Variants in KIRREL1 observed in about 807,000 individuals in gnomAD.
KIRREL1 encodes kin of IRRE-like protein 1.
In KIRREL1, 25 loss-of-function variants were observed where a neutral mutation model predicts 83.3. That is an observed-to-expected ratio of 0.30 (90% CI 0.22 to 0.42). The LOEUF (loss-of-function observed/expected upper bound fraction) is 0.42, where lower values mean the gene tolerates loss of function less well. Ranked by LOEUF, KIRREL1 falls within the 10% of genes least tolerant of loss-of-function variation. The probability of loss-of-function intolerance (pLI) is 1.00; values close to 1 mark genes in which losing one functional copy is unlikely to be tolerated. For synonymous variants in KIRREL1, 388 were observed against 410.4 expected (o/e 0.95, Z 0.66); for missense variants, 812 against 1,032.3 (o/e 0.79, Z 2.92).
chr1:157,996,292 G>T (rs898589038), intron 1 of KIRREL1, among the ~76,000 whole-genome samples: 9 of 151,872 alleles, frequency 5.9e-5, no homozygotes, highest in African/African-American at 2.2e-4. Flanking sequence ...TCCATCATGC[G>T]CCGGCTCCAC....
At chr1:158,005,836 C>T (rs941175632) in intron 1 of KIRREL1, among the ~76,000 whole-genome samples, 1 of 152,122 alleles carries the variant, frequency 6.6e-6, no homozygotes, top group Admixed American at 6.5e-5. Flanking sequence ...TCTCTCCCTC[C>T]CTTCTCTGCG....
chr1:158,054,332 T>C (rs1660992013), intron 1 of KIRREL1, among the ~76,000 whole-genome samples: 1 of 151,922 alleles, frequency 6.6e-6, no homozygotes, highest in Non-Finnish European at 1.5e-5. Context: ...GGGATCTCTT[T>C]CATAGAAGTT....
Position 158,091,354 on chromosome 1 carries a change from A to C in KIRREL1, c.1273-4A>C. On this transcript the variant is annotated splice_region_variant and splice_polypyrimidine_tract_variant and intron_variant, in intron 10 of 14. Transcript: ENST00000359209. ...TTACCTTCTTCCTTCCCTCTCCACC[A>C]CAGGCATGGGCCTGGAAGGAGAACT... is the stretch of plus-strand genomic sequence containing the variant. The C allele has an allele frequency of 6.2e-7, 1 of 1,612,616 alleles. No individual in the cohort carries two copies. The highest frequency in any genetic ancestry group is 8.5e-7 in the Non-Finnish European group (1 of 1,179,120).
intron 1 of KIRREL1, among the ~76,000 whole-genome samples, chr1:158,014,884 G>A (rs114292323): frequency 1.1e-3 from 164 of 152,156 alleles, no homozygotes; most frequent in African/African-American, 3.4e-3. Context: ...AAGGGGAGGT[G>A]CGTTCTCCTC....
At chr1:158,066,253 T>A (rs571956080) in intron 1 of KIRREL1, among the ~76,000 whole-genome samples, 5 of 145,694 alleles carry the variant, frequency 3.4e-5, no homozygotes, top group Admixed American at 2.7e-4. Flanking sequence ...GTGGCGACCA[T>A]CAAGGCCTTT....
rs868843871 is a variant in KIRREL1, at chr1:158,016,749, G to A, written c.52+23021G>A. Among the ~76,000 whole-genome samples, 15 of 152,318 alleles carry A rather than the reference G, an allele frequency of 9.8e-5. No homozygotes were observed. The Middle Eastern group carries it at 0.017, about 173-fold the overall frequency. On this transcript the variant is annotated intron_variant, in intron 1 of 14. Transcript: ENST00000359209. ...TTCCATGGTTAATCTCCAAAGTGAGGAACCTACGTGTGAGTAATTGAGAGC... is the reference window on the plus strand; with the variant it reads ...TTCCATGGTTAATCTCCAAAGTGAGAAACCTACGTGTGAGTAATTGAGAGC...
chr1:158,083,620 C>T (rs559346193), intron 3 of KIRREL1, among the ~76,000 whole-genome samples: 2 of 152,320 alleles, frequency 1.3e-5, no homozygotes, highest in East Asian at 1.9e-4. Context: ...AACCTGCTAG[C>T]AGTGTGACAT....
At chr1:158,009,801 A>T (rs550486100) in intron 1 of KIRREL1, among the ~76,000 whole-genome samples, 7 of 152,368 alleles carry the variant, frequency 4.6e-5, no homozygotes, top group African/African-American at 1.7e-4. Flanking sequence ...CAGATTGCCC[A>T]CCTCAAGCCT....
At chr1:158,030,705 T>A (rs1660298758) in intron 1 of KIRREL1, 1 of 152,204 alleles carries the variant, frequency 6.6e-6, no homozygotes, top group African/African-American at 2.4e-5. Flanking sequence ...ATATATTATT[T>A]CTCCCTGCTA....
chr1:158,004,241 A>C (rs1338664968), intron 1 of KIRREL1, among the ~76,000 whole-genome samples: 1 of 152,242 alleles, frequency 6.6e-6, no homozygotes, highest in Non-Finnish European at 1.5e-5. Context: ...GTACTCAATA[A>C]ATTATAGTTG....
chr1:158,087,368 AT>A (rs1361157235), intron 5 of KIRREL1, among the ~76,000 whole-genome samples: 1 of 152,090 alleles, frequency 6.6e-6, no homozygotes. Context: ...AGCATCTAGC[AT>A]GGAGTATTCT....
At chr1:158,043,340 C>T (rs992063439) in intron 1 of KIRREL1, among the ~76,000 whole-genome samples, 3 of 151,964 alleles carry the variant, frequency 2.0e-5, no homozygotes, top group Non-Finnish European at 2.9e-5. Flanking sequence ...GAAAGAGTGG[C>T]GTAAGAATCC....
chr1:158,079,946 C>T (rs1661799950), intron 3 of KIRREL1, among the ~76,000 whole-genome samples: 1 of 152,142 alleles, frequency 6.6e-6, no homozygotes, highest in Admixed American at 6.5e-5. Context: ...GATGTAAAGG[C>T]CCTGAAGGAC....
chr1:158,003,634 C>T (rs908652904), intron 1 of KIRREL1, among the ~76,000 whole-genome samples: 8 of 152,152 alleles, frequency 5.3e-5, no homozygotes, highest in East Asian at 1.9e-4. Context: ...CATTCACCCC[C>T]GGGGCAGCTA....
chr1:158,051,564 C>T (rs1660911142), intron 1 of KIRREL1, among the ~76,000 whole-genome samples: 1 of 152,210 alleles, frequency 6.6e-6, no homozygotes, highest in Admixed American at 6.5e-5. Context: ...CTTCTTGTTT[C>T]CTCCTTTTTG....
At chr1:158,029,103 T>TTGACA (rs1302349174) in intron 1 of KIRREL1, among the ~76,000 whole-genome samples, 2 of 152,136 alleles carry the variant, frequency 1.3e-5, no homozygotes, top group African/African-American at 4.8e-5. Context: ...GCCAGAGGCA[T>TTGACA]TGACATGGAA....
chr1:158,047,352 A>T (rs530028829), intron 1 of KIRREL1, among the ~76,000 whole-genome samples: 88 of 152,240 alleles, frequency 5.8e-4, no homozygotes, highest in Non-Finnish European at 9.3e-4. Context: ...GAAAGTGCTG[A>T]CAAGGCCCCT....
At chr1:158,014,036 T>C (rs963583958) in intron 1 of KIRREL1, among the ~76,000 whole-genome samples, 9 of 151,970 alleles carry the variant, frequency 5.9e-5, no homozygotes, top group African/African-American at 2.2e-4. Flanking sequence ...ACCAGGGGAT[T>C]AGGACCAGTT....
intron 1 of KIRREL1, among the ~76,000 whole-genome samples, chr1:158,055,311 T>C (rs1661024964): frequency 6.6e-6 from 1 of 152,106 alleles, no homozygotes; most frequent in Non-Finnish European, 1.5e-5. Context: ...TCTTGCCAGC[T>C]CCACTTTCTT....
Sources: allele counts gnomAD v4.1 joint callset (sites outside exome capture counted in the v4.1 genomes callset), GRCh38; gene constraint gnomAD v4.1.1; transcripts MANE v1.5; gene names NCBI Gene and HGNC (gene_info 2026-07-23, HGNC 2026-07-21).